The following LYPD6 variants were observed in gnomAD, a reference collection of about 807,000 sequenced individuals.
LYPD6 encodes the protein LY6/PLAUR domain containing 6.
Under a neutral mutation model 22.7 loss-of-function variants are expected in LYPD6, and 15 were observed. The ratio of observed to expected loss-of-function variants is 0.66; its 90% CI spans 0.44 to 1.02. The LOEUF is 1.02. LYPD6 is among the 50% of genes least tolerant of loss of function. The pLI is 0.00. For missense variants in LYPD6, 189 were observed against 208.4 expected (o/e 0.91, Z 0.57); for synonymous variants, 72 against 77.5 (o/e 0.93, Z 0.37).
chr2:149,451,934 G>GTA (rs933309577), intron 3 of LYPD6, among the ~76,000 whole-genome samples: 7 of 152,180 alleles, frequency 4.6e-5, no homozygotes, highest in Non-Finnish European at 7.3e-5. Context: ...CAGGACAAAG[G>GTA]TAAGTGCCAA....
intron 1 of LYPD6, among the ~76,000 whole-genome samples, chr2:149,401,955 T>C (rs1014291218): frequency 1.3e-5 from 2 of 149,808 alleles, no homozygotes; most frequent in East Asian, 4.1e-4. Context: ...AGTGAGAACA[T>C]GTGATGTTTG....
At chr2:149,460,484 G>A (rs955016157) in intron 3 of LYPD6, among the ~76,000 whole-genome samples, 2 of 152,090 alleles carry the variant, frequency 1.3e-5, no homozygotes, top group African/African-American at 2.4e-5. Flanking sequence ...TGAAAAATAT[G>A]TGCAACAGAA....
At chr2:149,385,028 T>A (rs1369474471) in intron 1 of LYPD6, among the ~76,000 whole-genome samples, 3 of 152,110 alleles carry the variant, frequency 2.0e-5, no homozygotes, top group African/African-American at 7.2e-5. Flanking sequence ...TGATTTCCAA[T>A]TTCATCTGTT....
intron 1 of LYPD6, among the ~76,000 whole-genome samples, chr2:149,371,839 A>T (rs912801825): frequency 6.6e-6 from 1 of 152,258 alleles, no homozygotes; most frequent in East Asian, 1.9e-4. Context: ...GAGTGTCCAT[A>T]GTACTCCTAT....
At chr2:149,405,620 C>A (rs1318304025) in intron 1 of LYPD6, among the ~76,000 whole-genome samples, 1 of 152,170 alleles carries the variant, frequency 6.6e-6, no homozygotes, top group Non-Finnish European at 1.5e-5. Context: ...TGATTCTTCT[C>A]TGTTTTCTTC....
At chr2:149,393,867 C>A (rs1682368806) in intron 1 of LYPD6, among the ~76,000 whole-genome samples, 1 of 152,158 alleles carries the variant, frequency 6.6e-6, no homozygotes, top group South Asian at 2.1e-4. Flanking sequence ...AGCTTTGAAA[C>A]ACTGACTGCC....
intron 1 of LYPD6, among the ~76,000 whole-genome samples, chr2:149,403,632 G>A (rs1270874196): frequency 6.7e-6 from 1 of 149,500 alleles, no homozygotes; most frequent in African/African-American, 2.5e-5. Context: ...CTGGATATTA[G>A]CCCTTTGTCA....
In LYPD6 at chr2:149,349,557, G is replaced by T. The variant is rs1466280684; in HGVS notation, c.-72+18835G>T. Among the ~76,000 whole-genome samples the T allele has an allele frequency of 3.9e-5, 6 of 152,204 alleles. No homozygotes were observed. The East Asian group carries it at 9.6e-4, about 24-fold the overall frequency. On this transcript the variant is annotated intron_variant, in intron 1 of 4. Coordinates refer to ENST00000334166, the MANE Select transcript of LYPD6 (RefSeq NM_194317.5). ...TGGGATTTTCTCATGTGTGGAAGCG[G>T]TAATACTTGAAGATTTTGTTCAGTC...
chr2:149,469,563 T>C (rs1176613913), intron 4 of LYPD6, among the ~76,000 whole-genome samples: 1 of 152,160 alleles, frequency 6.6e-6, no homozygotes, highest in Non-Finnish European at 1.5e-5. Context: ...ACAGCACTGT[T>C]TCTTAAGAAG....
rs774900115 is a variant in LYPD6 at position 149,470,746 on chromosome 2, GC to G, written c.414del (p.Thr139HisfsTer8). 1 of 1,613,854 alleles carries G rather than the reference GC, an allele frequency of 6.2e-7. No individual in the cohort carries two copies. Among genetic ancestry groups the G allele is most frequent in the Non-Finnish European group, 8.5e-7 (1 of 1,179,828 alleles). On this transcript the variant is annotated frameshift_variant, in exon 5 of 5. Transcript: ENST00000334166. LOFTEE classifies it high-confidence loss of function. ...NLPLPRNETD[A>X]TFATTSPINQ... ...GCCACTGCCCCGAAATGAAACTGAT[GC>G]CACATTTGCCACGACGTCACCTATA...
chr2:149,402,354 G>A (rs1388266226), intron 1 of LYPD6, among the ~76,000 whole-genome samples: 1 of 152,072 alleles, frequency 6.6e-6, no homozygotes, highest in African/African-American at 2.4e-5. Context: ...ACATGCATGT[G>A]CAAATATCTT....
chr2:149,405,556 T>C (rs555939877), intron 1 of LYPD6, among the ~76,000 whole-genome samples: 74 of 152,364 alleles, frequency 4.9e-4, no homozygotes, highest in African/African-American at 1.8e-3. Context: ...TGGTAGTTTG[T>C]ATTTCTGTGG....
At chr2:149,463,103 C>T (rs1459627684) in intron 3 of LYPD6, among the ~76,000 whole-genome samples, 1 of 151,994 alleles carries the variant, frequency 6.6e-6, no homozygotes, top group Non-Finnish European at 1.5e-5. Flanking sequence ...AATGCAAATG[C>T]AAGCTATGAA....
chr2:149,366,929 T>A (rs543722353), intron 1 of LYPD6, among the ~76,000 whole-genome samples: 1 of 152,340 alleles, frequency 6.6e-6, no homozygotes, highest in African/African-American at 2.4e-5. Context: ...CCTTAGCTTT[T>A]AGAATACGAA....
chr2:149,442,179 G>A (rs1683583166), intron 2 of LYPD6, among the ~76,000 whole-genome samples: 1 of 152,158 alleles, frequency 6.6e-6, no homozygotes, highest in South Asian at 2.1e-4. Flanking sequence ...CAGAAACAAT[G>A]GAAGTTAATT....
At chr2:149,417,734 A>G (rs1292724404) in intron 1 of LYPD6, among the ~76,000 whole-genome samples, 3 of 152,226 alleles carry the variant, frequency 2.0e-5, no homozygotes, top group Non-Finnish European at 4.4e-5. Context: ...TTTTAAGTGA[A>G]TCCCAATATT....
chr2:149,411,907 C>CA (rs1436618474), intron 1 of LYPD6, among the ~76,000 whole-genome samples: 2 of 152,102 alleles, frequency 1.3e-5, no homozygotes, highest in African/African-American at 4.8e-5. Flanking sequence ...TTAAAAATCA[C>CA]AAAAAGGACC....
chr2:149,433,915 T>C (rs951158866), intron 1 of LYPD6, among the ~76,000 whole-genome samples: 3 of 152,320 alleles, frequency 2.0e-5, no homozygotes, highest in African/African-American at 7.2e-5. Flanking sequence ...TATAATTTTA[T>C]CAGAAAGGAT....
At chr2:149,427,818 A>G (rs894346169) in intron 1 of LYPD6, among the ~76,000 whole-genome samples, 4 of 152,212 alleles carry the variant, frequency 2.6e-5, no homozygotes, top group African/African-American at 9.6e-5. Flanking sequence ...CTCAGAGCGT[A>G]TCCTCGTTGT....
Sources: gnomAD v4.1 joint callset for allele counts (sites outside exome capture counted in the v4.1 genomes callset) on GRCh38, gnomAD v4.1.1 for gene constraint, MANE v1.5 for transcripts, NCBI Gene and HGNC (gene_info 2026-07-23, HGNC 2026-07-21) for gene names.